Variants in TRAP1 observed in about 807,000 individuals in gnomAD.
The protein encoded by TRAP1 is TNF receptor associated protein 1.
In TRAP1, 102 loss-of-function variants were observed where a neutral mutation model predicts 89.1. The ratio of observed to expected loss-of-function variants is 1.15; its 90% CI spans 0.98 to 1.35. TRAP1 has a LOEUF of 1.35. Ranked by LOEUF, TRAP1 falls within the 40% of genes most tolerant of loss-of-function variation. The pLI is 0.00. For synonymous variants in TRAP1, 508 were observed against 388.0 expected (o/e 1.31, Z -3.64); for missense variants, 1,256 against 945.3 (o/e 1.33, Z -4.31).
intron 11 of TRAP1, among the ~76,000 whole-genome samples, chr16:3,666,487 C>T (rs2050832480): frequency 6.6e-6 from 1 of 151,326 alleles, no homozygotes; most frequent in African/African-American, 2.4e-5. Context: ...CACTGTGGCA[C>T]ATAAAATATA....
chr16:3,662,396 C>T, intron 15 of TRAP1: 3 of 579,268 alleles, frequency 5.2e-6, no homozygotes, highest in Non-Finnish European at 9.3e-6. Context: ...ATCCATCGTC[C>T]TCTGCTCCAT....
At chr16:3,669,085 C>A (rs967363199) in intron 11 of TRAP1, among the ~76,000 whole-genome samples, 2 of 152,198 alleles carry the variant, frequency 1.3e-5, no homozygotes, top group Admixed American at 6.5e-5. Flanking sequence ...CTCCTGTGGC[C>A]ACTCCTGGGC....
chr16:3,705,901 C>T (rs1178793475), intron 1 of TRAP1, among the ~76,000 whole-genome samples: 4 of 151,690 alleles, frequency 2.6e-5, no homozygotes, highest in Non-Finnish European at 4.4e-5. Context: ...CCATGTTGGT[C>T]AGGCTGGTCT....
At position 3,663,460 on chromosome 16, in the gene TRAP1, G is replaced by A. The variant is rs2151241776; in HGVS notation, c.1672C>T (p.His558Tyr). The A allele has an allele frequency of 6.2e-7, 1 of 1,614,180 alleles. No homozygotes were observed. The highest frequency in any genetic ancestry group is 8.5e-7 in the Non-Finnish European group (1 of 1,180,022). The part of the protein sequence containing the change: ...ISVETDIVVD[H>Y]YKEEKFEDRS... ...TCCTCAAACTTCTCCTCCTTGTAGTGATCCACGACTATGTCCGTCTCCACA... is the reference window on the plus strand; with the variant it reads ...TCCTCAAACTTCTCCTCCTTGTAGTAATCCACGACTATGTCCGTCTCCACA... Residue 558 changes from histidine to tyrosine, a missense_variant, in exon 14 of 18, where the codon CAC becomes TAC. His to Tyr is a moderately conservative substitution (Grantham distance 83, BLOSUM62 2). Transcript: ENST00000246957.
intron 1 of TRAP1, among the ~76,000 whole-genome samples, chr16:3,698,235 A>G (rs184136355): frequency 7.9e-5 from 12 of 152,322 alleles, no homozygotes; most frequent in Admixed American, 5.9e-4. Context: ...ACTTAGTATC[A>G]TAACGCCAAG....
At chr16:3,691,015 G>A (rs371163620) in intron 1 of TRAP1, 30 bp from the exon 2 acceptor site, 3 of 1,436,536 alleles carry the variant, frequency 2.1e-6, no homozygotes, top group Non-Finnish European at 1.8e-6. Context: ...GAAAGAATGA[G>A]AATTAGGAAG....
intron 3 of TRAP1, 130 bp from the exon 4 acceptor site, chr16:3,686,266 T>C: frequency 8.7e-7 from 1 of 1,154,480 alleles, no homozygotes; most frequent in Admixed American, 2.5e-5. Context: ...CATAAAGAGT[T>C]TCTGCTTTAG....
chr16:3,664,610 C>G lies in TRAP1; in HGVS notation c.1384-151G>C, dbSNP rs3751842. 131 of 787,776 alleles carry G rather than the reference C, an allele frequency of 1.7e-4. 3 individuals are homozygous for G. The South Asian group carries it at 2.5e-3, about 15-fold the overall frequency. The allele number at this position is 787,776 out of a possible 1,614,324, so 48.8% of individuals were successfully genotyped here. ...GACGGTAGTGGACTCGGGGGTTGTC[C>G]GAGAGCAGGCCTTGCTCTGCCCATC... On this transcript the variant is annotated intron_variant, in intron 12 of 17. Transcript: ENST00000246957.
intron 11 of TRAP1, among the ~76,000 whole-genome samples, chr16:3,666,859 T>C (rs1442815242): frequency 1.3e-5 from 2 of 152,240 alleles, no homozygotes; most frequent in African/African-American, 4.8e-5. Flanking sequence ...GGCCTAAAAT[T>C]AGGAACAACT....
At position 3,662,569 on chromosome 16, in the gene TRAP1, T is replaced by C. The variant is rs936468822; in HGVS notation, c.1794+313A>G. 9.7e-5 allele frequency: 57 copies of C among 589,512 alleles called. No homozygotes were observed. In the Admixed American group the frequency reaches 1.2e-3, roughly 13 times the overall value. 36.5% of individuals were successfully genotyped at this position (589,512 alleles called of 1,614,324 possible). ...AGTGAGCATGTGAGCTCCTGAGGGCTGGGGTAGCATGTCCCTTGTTTGGAA... is the reference window on the plus strand; with the variant it reads ...AGTGAGCATGTGAGCTCCTGAGGGCCGGGGTAGCATGTCCCTTGTTTGGAA... On this transcript the variant is annotated intron_variant, in intron 15 of 17. Transcript: ENST00000246957.
At chr16:3,672,856 G>A (rs780266129) in intron 9 of TRAP1, 36 bp from the exon 10 acceptor site, 28 of 1,593,106 alleles carry the variant, frequency 1.8e-5, no homozygotes, top group Non-Finnish European at 2.4e-5. Flanking sequence ...ATGCAGCACT[G>A]ACCCTCCCCA....
chr16:3,710,103 C>G (rs762333242), intron 1 of TRAP1, among the ~76,000 whole-genome samples: 1 of 152,182 alleles, frequency 6.6e-6, no homozygotes, highest in African/African-American at 2.4e-5. Flanking sequence ...CTATGATATA[C>G]TGATACTTCA....
intron 13 of TRAP1, 197 bp downstream of exon 13, chr16:3,664,077 C>A: frequency 1.7e-6 from 1 of 586,046 alleles, no homozygotes; most frequent in Non-Finnish European, 2.8e-6. Context: ...AAACAAAAAA[C>A]AAACAAAAAA....
chr16:3,681,162 G>C (rs1473046441), intron 4 of TRAP1, among the ~76,000 whole-genome samples: 1 of 152,094 alleles, frequency 6.6e-6, no homozygotes. Flanking sequence ...AAATAAAAGA[G>C]CTCACTCCAA....
chr16:3,662,882 C>A lies in TRAP1; in HGVS notation c.1794G>T (p.Lys598Asn), dbSNP rs766679569. 6.2e-7 allele frequency: 1 copy of A among 1,613,504 alleles called. No individual in the cohort carries two copies. Among genetic ancestry groups the A allele is most frequent in the Non-Finnish European group, 8.5e-7 (1 of 1,179,970 alleles). ...TGGTCCATCCCCGGGAAAGCCTCACCTTCACGTTGGTGACACGCGACCCCA... is the reference window on the plus strand; with the variant it reads ...TGGTCCATCCCCGGGAAAGCCTCACATTCACGTTGGTGACACGCGACCCCA... ...NVLGSRVTNVKVTLRLDTHPA... is the reference protein window; with the variant it reads ...NVLGSRVTNVNVTLRLDTHPA... The change falls in exon 15 of 18, where the codon AAG becomes AAT. Residue 598 changes from lysine (K) to asparagine (N), a missense_variant and splice_region_variant. Physicochemically the swap from Lys to Asn is moderately conservative, Grantham distance 94. Coordinates refer to ENST00000246957, the MANE Select transcript of TRAP1 (RefSeq NM_016292.3).
chr16:3,676,053 C>G lies in TRAP1; in HGVS notation c.797G>C (p.Ser266Thr), dbSNP rs1284521278. Residue 266 changes from serine (S) to threonine (T), a missense_variant, in exon 7 of 18, where the codon AGC becomes ACC. Physicochemically the swap from Ser to Thr is moderately conservative, Grantham distance 58. Coordinates refer to ENST00000246957, the MANE Select transcript of TRAP1 (RefSeq NM_016292.3). The part of the protein sequence containing the change: ...HLKSDCKEFS[S>T]EARVRDVVTK... ...CCGCTCACCTCGCACCCGGGCCTCG[C>G]TGGAAAACTCCTTGCAGTCGGATTT... The G allele has an allele frequency of 6.2e-7, 1 of 1,613,840 alleles. No individual in the cohort carries two copies. The highest frequency in any genetic ancestry group is 1.7e-5 in the Admixed American group (1 of 59,974).
intron 9 of TRAP1, among the ~76,000 whole-genome samples, chr16:3,673,566 G>A (rs572533363): frequency 2.7e-5 from 4 of 146,344 alleles, no homozygotes; most frequent in South Asian, 2.3e-4. Context: ...GGGGGGATCC[G>A]GTTAAAATGC....
At chr16:3,658,947 A>G in intron 16 of TRAP1, 82 bp from the exon 17 acceptor site, 1 of 1,431,354 alleles carries the variant, frequency 7.0e-7, no homozygotes, top group Non-Finnish European at 9.8e-7. Context: ...TTATCAGGAT[A>G]TTTAAAGAAG....
At chr16:3,688,524 G>A (rs971569893) in intron 3 of TRAP1, among the ~76,000 whole-genome samples, 1 of 152,012 alleles carries the variant, frequency 6.6e-6, no homozygotes, top group Admixed American at 6.6e-5. Context: ...ACTCTGTTGT[G>A]CAGGTCAGTG....
Sources: allele counts gnomAD v4.1 joint callset (sites outside exome capture counted in the v4.1 genomes callset), GRCh38; gene constraint gnomAD v4.1.1; transcripts MANE v1.5; gene names NCBI Gene and HGNC (gene_info 2026-07-23, HGNC 2026-07-21).